Variants in PBRM1 observed in about 807,000 individuals in gnomAD.
PBRM1 encodes the protein protein polybromo-1.
In PBRM1, 27 loss-of-function variants were observed where a neutral mutation model predicts 194.5. The observed-to-expected ratio is 0.14, with a 90% CI of 0.10 to 0.19. The LOEUF (loss-of-function observed/expected upper bound fraction) is 0.19. Ranked by LOEUF, PBRM1 falls within the 10% of genes least tolerant of loss-of-function variation. The pLI is 1.00. For missense variants in PBRM1, 1,466 were observed against 2,077.2 expected, an observed-to-expected ratio of 0.71 and a Z score of 5.72; for synonymous variants, 655 against 693.2, an observed-to-expected ratio of 0.94 and a Z score of 0.87.
At chr3:52,663,420 T>C (rs2096766579) in intron 3 of PBRM1, among the ~76,000 whole-genome samples, 1 of 152,198 alleles carries the variant, frequency 6.6e-6, no homozygotes, top group Non-Finnish European at 1.5e-5. Context: ...TCTCAAACCA[T>C]GGCACTGAGA....
intron 20 of PBRM1, among the ~76,000 whole-genome samples, chr3:52,580,333 C>T (rs1576013801): frequency 6.6e-6 from 1 of 152,186 alleles, no homozygotes; most frequent in East Asian, 1.9e-4. Context: ...AGCATAGCCT[C>T]TGTGATATAA....
chr3:52,618,488 G>A lies in PBRM1; in HGVS notation c.1542-950C>T, dbSNP rs114538998. On this transcript the variant is annotated intron_variant, in intron 13 of 29. Transcript: ENST00000296302. ...AACTATTCTTATGTACTCAGGGCAC[G>A]GCTAAAGAAATTCTAGCCAGATAAA... Among the ~76,000 whole-genome samples, 1,096 of 152,224 alleles carry A rather than the reference G, an allele frequency of 7.2e-3. 11 individuals are homozygous for A. The highest frequency in any genetic ancestry group is 0.025 in the African/African-American group (1,032 of 41,516).
upstream of PBRM1, chr3:52,679,841 G>T: frequency 9.5e-6 from 6 of 632,678 alleles, no homozygotes; most frequent in South Asian, 6.2e-5. Flanking sequence ...TTAACGTGTT[G>T]TAGTTTAACT....
intron 8 of PBRM1, among the ~76,000 whole-genome samples, chr3:52,644,417 G>A (rs559382409): frequency 1.8e-4 from 27 of 151,780 alleles, no homozygotes; most frequent in Non-Finnish European, 3.1e-4. Context: ...ACCGAGTCTC[G>A]CTCTGTTACC....
At chr3:52,611,911 C>T (rs1282919598) in intron 15 of PBRM1, among the ~76,000 whole-genome samples, 2 of 152,066 alleles carry the variant, frequency 1.3e-5, no homozygotes, top group Non-Finnish European at 2.9e-5. Context: ...ATTTCTTCAA[C>T]AGATAAATGG....
At position 52,618,590 on chromosome 3, in the gene PBRM1, A is replaced by AG. The variant is rs1409842703; in HGVS notation, c.1542-1053dup. The stretch of plus-strand genomic sequence containing the variant: ...AATAACAAGAAATGACTTATGACTT[A>AG]GTTTTTTTTTTTTTTTTTTTTGAGA... On this transcript the variant is annotated intron_variant, in intron 13 of 29. Coordinates refer to ENST00000296302, the Ensembl canonical transcript of PBRM1. Among the ~76,000 whole-genome samples the AG allele has an allele frequency of 2.0e-3, 282 of 140,484 alleles. 2 individuals carry two copies. Among genetic ancestry groups the AG allele is most frequent in the African/African-American group, 6.9e-3 (269 of 38,792 alleles). The allele number at this position is 140,484 out of a possible 152,430, so 92.2% of individuals were successfully genotyped here.
At chr3:52,630,057 C>T (rs987696950) in intron 11 of PBRM1, among the ~76,000 whole-genome samples, 3 of 152,218 alleles carry the variant, frequency 2.0e-5, no homozygotes, top group Admixed American at 6.5e-5. Context: ...GTTCAAATTA[C>T]AGCCTCAGAC....
exon 24 of PBRM1, chr3:52,563,286 T>TGGG (rs1288390701): frequency 6.2e-7 from 1 of 1,611,784 alleles, no homozygotes. Flanking sequence ...CCTTCACCTG[T>TGGG]GGGGGTGTGT....
chr3:52,672,824 T>A (rs1348009024), intron 2 of PBRM1, among the ~76,000 whole-genome samples: 1 of 151,230 alleles, frequency 6.6e-6, no homozygotes. Context: ...GAATAGTGAT[T>A]ATATTTTGAC....
At chr3:52,616,030 A>G in intron 14 of PBRM1, among the ~76,000 whole-genome samples, 1 of 152,086 alleles carries the variant, frequency 6.6e-6, no homozygotes, top group African/African-American at 2.4e-5. Context: ...CCCTCCTCTT[A>G]CCTCCTCAGC....
intron 17 of PBRM1, among the ~76,000 whole-genome samples, chr3:52,600,227 T>C (rs2153271530): frequency 6.6e-6 from 1 of 152,322 alleles, no homozygotes; most frequent in East Asian, 1.9e-4. Flanking sequence ...TTGATACACT[T>C]GGAAAGTTTT....
At chr3:52,576,886 AGAAAGG>A (rs2153663922) in intron 21 of PBRM1, among the ~76,000 whole-genome samples, 188 bp from the exon 24 acceptor site, 1 of 152,352 alleles carries the variant, frequency 6.6e-6, no homozygotes, top group East Asian at 1.9e-4. Flanking sequence ...TTAGAAAAAG[AGAAAGG>A]AACATTTGAC....
intron 2 of PBRM1, among the ~76,000 whole-genome samples, chr3:52,676,609 A>G (rs1347811307): frequency 6.6e-6 from 1 of 152,186 alleles, no homozygotes; most frequent in African/African-American, 2.4e-5. Context: ...ACCAACTGAT[A>G]CAGTAAATTG....
At chr3:52,601,470 A>C (rs1312174798) in intron 17 of PBRM1, among the ~76,000 whole-genome samples, 1 of 152,106 alleles carries the variant, frequency 6.6e-6, no homozygotes, top group Non-Finnish European at 1.5e-5. Context: ...AATAGGGTTC[A>C]TGCTCCTATG....
chr3:52,633,170 A>G (rs547357596), intron 11 of PBRM1, among the ~76,000 whole-genome samples: 26 of 151,816 alleles, frequency 1.7e-4, no homozygotes, highest in Non-Finnish European at 3.4e-4. Flanking sequence ...CCTGGCAACT[A>G]CTATTCTATT....
chr3:52,603,057 T>C (rs1469097973), intron 17 of PBRM1, among the ~76,000 whole-genome samples: 1 of 152,250 alleles, frequency 6.6e-6, no homozygotes, highest in African/African-American at 2.4e-5. Flanking sequence ...ATTTTATAGT[T>C]TGATACAATT....
chr3:52,644,684 A>G lies in PBRM1; in HGVS notation c.899+20T>C, dbSNP rs1157979263. 2 of 1,282,142 alleles carry G rather than the reference A, an allele frequency of 1.6e-6. No homozygotes were observed. The highest frequency in any genetic ancestry group is 2.4e-5 in the East Asian group (1 of 41,570). 79.4% of individuals were successfully genotyped at this position (1,282,142 alleles called of 1,614,324 possible). Reference sequence around the variant, plus strand: ...AGGCATGAGCCACCACGCCCAGCCTAGACATTTTCTTAAACCTACCTCATT... The same window carrying G: ...AGGCATGAGCCACCACGCCCAGCCTGGACATTTTCTTAAACCTACCTCATT... On this transcript the variant is annotated intron_variant, in intron 8 of 29. Transcript: ENST00000296302.
At chr3:52,614,683 G>A (rs954983843) in intron 15 of PBRM1, among the ~76,000 whole-genome samples, 6 of 150,742 alleles carry the variant, frequency 4.0e-5, no homozygotes, top group Non-Finnish European at 8.8e-5. Flanking sequence ...CAATTCTCCT[G>A]ACTTAGTCTC....
intron 5 of PBRM1, among the ~76,000 whole-genome samples, chr3:52,655,885 G>C (rs2096598413): frequency 6.6e-6 from 1 of 152,116 alleles, no homozygotes. Flanking sequence ...ACCCAGCATG[G>C]GGTACAAAGT....
Sources: gnomAD v4.1 joint callset for allele counts (sites outside exome capture counted in the v4.1 genomes callset) on GRCh38, gnomAD v4.1.1 for gene constraint, MANE v1.5 for transcripts, NCBI Gene and HGNC (gene_info 2026-07-23, HGNC 2026-07-21) for gene names.